PSD3: variants seen among roughly 807,000 people sequenced by gnomAD.
PSD3 encodes the protein PH and SEC7 domain-containing protein 3.
Under a neutral mutation model 105.5 loss-of-function variants are expected in PSD3, and 49 were observed. That is an observed-to-expected ratio of 0.46 (90% CI 0.37 to 0.59). The LOEUF (loss-of-function observed/expected upper bound fraction) is 0.59. Among genes scored for constraint, PSD3 ranks in the 20% least tolerant of loss-of-function variants. The pLI is 0.00. For synonymous variants in PSD3, 557 were observed against 457.8 expected, an observed-to-expected ratio of 1.22 and a Z score of -2.77; for missense variants, 1,561 against 1,263.8, an observed-to-expected ratio of 1.24 and a Z score of -3.57.
chr8:18,695,245 T>C (rs1180203009), intron 9 of PSD3, among the ~76,000 whole-genome samples: 3 of 149,958 alleles, frequency 2.0e-5, no homozygotes, highest in African/African-American at 7.4e-5. Flanking sequence ...GCTGACAATC[T>C]AAATGAAATC....
At chr8:18,723,940 G>C (rs1204211224) in intron 9 of PSD3, among the ~76,000 whole-genome samples, 1 of 152,056 alleles carries the variant, frequency 6.6e-6, no homozygotes, top group Non-Finnish European at 1.5e-5. Context: ...ATACACAATG[G>C]AATACCTAAG....
At chr8:18,669,721 G>C (rs1237152634) in intron 9 of PSD3, among the ~76,000 whole-genome samples, 1 of 152,222 alleles carries the variant, frequency 6.6e-6, no homozygotes, top group African/African-American at 2.4e-5. Flanking sequence ...GTTTTTGGAC[G>C]ATGTTTGATG....
At chr8:18,564,881 T>A (rs1275120903) in intron 14 of PSD3, among the ~76,000 whole-genome samples, 2 of 152,122 alleles carry the variant, frequency 1.3e-5, no homozygotes, top group Admixed American at 1.3e-4. Flanking sequence ...CTGCTTTGCT[T>A]CTGATCAGTA....
intron 1 of PSD3, among the ~76,000 whole-genome samples, chr8:18,983,633 T>C (rs1171749317): frequency 6.6e-6 from 1 of 152,134 alleles, no homozygotes. Flanking sequence ...AGCCAAAACA[T>C]ACGACAATTT....
rs552018577 is a variant in PSD3, at chr8:18,593,063, G to T, written c.2481+7301C>A. ...AATACCATTCAGGACATAGGCACGGGCAAGGACTTCATGTCTAAAACACCA... is the reference window on the plus strand; with the variant it reads ...AATACCATTCAGGACATAGGCACGGTCAAGGACTTCATGTCTAAAACACCA... On this transcript the variant is annotated intron_variant, in intron 12 of 15. Coordinates refer to ENST00000327040, the MANE Select transcript of PSD3 (RefSeq NM_015310.4). Among the ~76,000 whole-genome samples, 9 of 152,282 alleles carry T rather than the reference G, an allele frequency of 5.9e-5. No homozygotes were observed. In the East Asian group the frequency reaches 7.7e-4, roughly 13 times the overall value.
intron 2 of PSD3, among the ~76,000 whole-genome samples, chr8:18,884,077 T>C (rs1818296042): frequency 6.6e-6 from 1 of 152,136 alleles, no homozygotes; most frequent in African/African-American, 2.4e-5. Flanking sequence ...GGAATTCAGT[T>C]CCAAAGACGA....
intron 9 of PSD3, among the ~76,000 whole-genome samples, chr8:18,691,312 G>A (rs1384707770): frequency 6.6e-6 from 1 of 152,222 alleles, no homozygotes; most frequent in Non-Finnish European, 1.5e-5. Flanking sequence ...TGATGCATTA[G>A]ATTTGCTGTT....
chr8:19,004,387 C>A (rs1027193687), intron 1 of PSD3, among the ~76,000 whole-genome samples: 1 of 152,064 alleles, frequency 6.6e-6, no homozygotes, highest in Non-Finnish European at 1.5e-5. Context: ...TTTGTTAACT[C>A]ACTTTGGAAA....
chr8:18,621,842 T>A lies in PSD3; in HGVS notation c.2410+10771A>T, dbSNP rs568577385. Among the ~76,000 whole-genome samples, 5 of 152,318 alleles carry A rather than the reference T, an allele frequency of 3.3e-5. No homozygotes were observed. The East Asian group carries it at 9.6e-4, about 29-fold the overall frequency. On this transcript the variant is annotated intron_variant, in intron 11 of 15. Transcript: ENST00000327040. ...CACAACTGTCTTTTGGGAAAAAAAA[T>A]TCCACTTTTATTATCTCTTAATTAT...
At chr8:18,727,806 T>C (rs936705187) in intron 9 of PSD3, among the ~76,000 whole-genome samples, 2 of 152,170 alleles carry the variant, frequency 1.3e-5, no homozygotes, top group African/African-American at 4.8e-5. Context: ...AGTAAAATTA[T>C]GCTCTTAAGG....
At chr8:18,902,794 TG>T (rs1407974932) in intron 2 of PSD3, among the ~76,000 whole-genome samples, 3 of 152,178 alleles carry the variant, frequency 2.0e-5, no homozygotes, top group Non-Finnish European at 2.9e-5. Flanking sequence ...GCAATAACTG[TG>T]GGTGCCTCAG....
intron 12 of PSD3, among the ~76,000 whole-genome samples, chr8:18,593,263 A>C (rs1803745697): frequency 6.6e-6 from 1 of 152,252 alleles, no homozygotes; most frequent in Non-Finnish European, 1.5e-5. Context: ...CAATGAACTC[A>C]AACAAATTTA....
At chr8:18,666,785 T>C (rs781742129) in intron 9 of PSD3, among the ~76,000 whole-genome samples, 1 of 151,924 alleles carries the variant, frequency 6.6e-6, no homozygotes, top group South Asian at 2.1e-4. Flanking sequence ...TGTTCAAGTA[T>C]GTCAACAGAG....
rs570055586 is a variant in PSD3, at chr8:18,786,507, A to G, written c.2082+12788T>C. On this transcript the variant is annotated intron_variant, in intron 8 of 15. Transcript: ENST00000327040. ...TGCCTTCTGTCCAATTTCAACAGTG[A>G]CCATACCATTATCTATGTCAGCACA... 6.0e-4 allele frequency among the ~76,000 whole-genome samples: 92 copies of G among 152,328 alleles called. 1 individual carries two copies. Among genetic ancestry groups the G allele is most frequent in the African/African-American group, 2.1e-3 (88 of 41,584 alleles).
rs191203709 is a variant in PSD3 at position 18,538,615 on chromosome 8, T to C, written c.2929-2657A>G. Among the ~76,000 whole-genome samples, 135 of 152,218 alleles carry C rather than the reference T, an allele frequency of 8.9e-4. 1 individual carries two copies. The highest frequency in any genetic ancestry group is 2.9e-3 in the African/African-American group (122 of 41,534). Reference sequence around the variant, plus strand: ...CATACGATTTCATGAAGCTGGAGCGTTGACACAATGAAAAGAGAATGAAGA... The same window carrying C: ...CATACGATTTCATGAAGCTGGAGCGCTGACACAATGAAAAGAGAATGAAGA... On this transcript the variant is annotated intron_variant, in intron 15 of 15. Transcript: ENST00000327040.
rs183617281 is a variant in PSD3, at chr8:18,800,931, C to G, written c.2023+339G>C. On this transcript the variant is annotated intron_variant, in intron 7 of 15. Transcript: ENST00000327040. Reference sequence around the variant, plus strand: ...AAATCTCAGAGTGACAAACCATGAACAATTTAAAGAAAGTACGCTGTCACA... The same window carrying G: ...AAATCTCAGAGTGACAAACCATGAAGAATTTAAAGAAAGTACGCTGTCACA... The G allele has an allele frequency of 1.5e-4, 23 of 158,478 alleles. No individual in the cohort carries two copies. The East Asian group carries it at 4.2e-3, about 29-fold the overall frequency. 9.8% of individuals were successfully genotyped at this position (158,478 alleles called of 1,614,324 possible).
intron 1 of PSD3, chr8:19,000,684 AC>A (rs1432218804): frequency 1.3e-5 from 2 of 151,998 alleles, no homozygotes; most frequent in East Asian, 3.9e-4. Context: ...TGTCTCCAAA[AC>A]AGGAGATGAA....
intron 12 of PSD3, among the ~76,000 whole-genome samples, chr8:18,580,310 G>A (rs1283381455): frequency 6.6e-6 from 1 of 152,120 alleles, no homozygotes; most frequent in African/African-American, 2.4e-5. Context: ...ACTGATTGCT[G>A]TCATCACAGT....
chr8:18,678,096 G>C (rs1440086748), intron 9 of PSD3, among the ~76,000 whole-genome samples: 1 of 151,656 alleles, frequency 6.6e-6, no homozygotes, highest in Non-Finnish European at 1.5e-5. Flanking sequence ...TGGTGAAAAA[G>C]TATAACTTAA....
Sources: allele counts gnomAD v4.1 joint callset (sites outside exome capture counted in the v4.1 genomes callset), GRCh38; gene constraint gnomAD v4.1.1; transcripts MANE v1.5; gene names NCBI Gene and HGNC (gene_info 2026-07-23, HGNC 2026-07-21).